Variants in PDSS2 observed in about 807,000 individuals in gnomAD.
PDSS2 encodes all trans-polyprenyl-diphosphate synthase PDSS2.
In PDSS2, 31 loss-of-function variants were observed where a neutral mutation model predicts 44.5. The ratio of observed to expected loss-of-function variants is 0.70; its 90% CI spans 0.52 to 0.94. The LOEUF (loss-of-function observed/expected upper bound fraction) is 0.94, where lower values mean the gene tolerates loss of function less well. Ranked by LOEUF, PDSS2 falls within the 40% of genes least tolerant of loss-of-function variation. The probability of loss-of-function intolerance (pLI) is 0.00; values close to 1 mark genes in which losing one functional copy is unlikely to be tolerated. For missense variants in PDSS2, 452 were observed against 482.2 expected (o/e 0.94, Z 0.59); for synonymous variants, 157 against 180.3 (o/e 0.87, Z 1.03).
At chr6:107,217,255 C>T (rs1304844004) in intron 4 of PDSS2, among the ~76,000 whole-genome samples, 4 of 152,144 alleles carry the variant, frequency 2.6e-5, no homozygotes, top group African/African-American at 9.7e-5. Flanking sequence ...TGTTACCTTA[C>T]AAGGCAAAAG....
chr6:107,197,124 TC>T (rs1772589831), intron 6 of PDSS2, among the ~76,000 whole-genome samples: 1 of 152,128 alleles, frequency 6.6e-6, no homozygotes, highest in Non-Finnish European at 1.5e-5. Context: ...AGTAAGTGTT[TC>T]CCTGAGTTCT....
intron 3 of PDSS2, among the ~76,000 whole-genome samples, chr6:107,246,500 C>T (rs974240154): frequency 6.6e-6 from 1 of 152,084 alleles, no homozygotes; most frequent in South Asian, 2.1e-4. Context: ...ATCAGATTTC[C>T]ACTCTTTGCT....
intron 7 of PDSS2, among the ~76,000 whole-genome samples, chr6:107,175,350 G>C (rs1771752739): frequency 6.6e-6 from 1 of 152,166 alleles, no homozygotes; most frequent in Non-Finnish European, 1.5e-5. Context: ...ATTTAGGTAA[G>C]AGCAAGTTGT....
intron 1 of PDSS2, among the ~76,000 whole-genome samples, chr6:107,362,213 C>T (rs1185576655): frequency 6.6e-6 from 1 of 152,102 alleles, no homozygotes; most frequent in Non-Finnish European, 1.5e-5. Context: ...CCCATATATC[C>T]CTGGCTGATG....
intron 1 of PDSS2, among the ~76,000 whole-genome samples, chr6:107,427,783 A>G (rs1781052486): frequency 6.6e-6 from 1 of 152,182 alleles, no homozygotes. Context: ...TGTAATGCAT[A>G]TGAGTATTTA....
In PDSS2 at chr6:107,335,907, C is replaced by A. The variant is rs552693016; in HGVS notation, c.297-1575G>T. Among the ~76,000 whole-genome samples, 54 of 150,008 alleles carry A rather than the reference C, an allele frequency of 3.6e-4. No individual in the cohort carries two copies. The South Asian group carries it at 5.7e-3, about 16-fold the overall frequency. The stretch of plus-strand genomic sequence containing the variant: ...AAGGCTTCCTTGTTGAGTTTTTGAA[C>A]AAAGAATCAATTTAAGTTAATTAAG... On this transcript the variant is annotated intron_variant, in intron 1 of 7. Coordinates refer to ENST00000369037, the MANE Select transcript of PDSS2 (RefSeq NM_020381.4).
At chr6:107,394,773 ATGT>A (rs1779889036) in intron 1 of PDSS2, among the ~76,000 whole-genome samples, 1 of 152,094 alleles carries the variant, frequency 6.6e-6, no homozygotes, top group African/African-American at 2.4e-5. Context: ...ACTACCTCAT[ATGT>A]TATATGTCCC....
chr6:107,171,169 G>A (rs546420613), intron 7 of PDSS2, among the ~76,000 whole-genome samples: 18 of 152,018 alleles, frequency 1.2e-4, no homozygotes, highest in African/African-American at 2.4e-4. Flanking sequence ...TTTTAAATAC[G>A]CCTTTATTTT....
In PDSS2 at chr6:107,160,205, G is replaced by A. The variant is rs188207460; in HGVS notation, c.1042-5428C>T. Among the ~76,000 whole-genome samples the A allele has an allele frequency of 1.6e-3, 245 of 152,174 alleles. 1 individual carries two copies. The highest frequency in any genetic ancestry group is 3.9e-3 in the Admixed American group (59 of 15,264). ...CAATCCAGCCTGGGGGCTGCAGTGC[G>A]ACTCTGTCTCAAAAAACAAACAAAA... is the stretch of plus-strand genomic sequence containing the variant. On this transcript the variant is annotated intron_variant, in intron 7 of 7. Transcript: ENST00000369037.
intron 2 of PDSS2, among the ~76,000 whole-genome samples, chr6:107,331,589 A>C (rs1777712947): frequency 6.6e-6 from 1 of 152,222 alleles, no homozygotes; most frequent in Non-Finnish European, 1.5e-5. Flanking sequence ...ACAAGGTTAC[A>C]TCACAGTGCA....
At chr6:107,269,934 T>TTATA (rs1775541237) in intron 3 of PDSS2, among the ~76,000 whole-genome samples, 1 of 152,166 alleles carries the variant, frequency 6.6e-6, no homozygotes, top group South Asian at 2.1e-4. Context: ...CCCAAAGTGC[T>TTATA]GGAAATACAG....
rs115081848 is a variant in PDSS2 at position 107,448,869 on chromosome 6, G to C, written c.296+10121C>G. On this transcript the variant is annotated intron_variant, in intron 1 of 7. Coordinates refer to ENST00000369037, the MANE Select transcript of PDSS2 (RefSeq NM_020381.4). ...CAGGGCACCAGGAGAGAGAATGAGT[G>C]CCAGCAGGGGAAATGTGAGATGCTT... 7.5e-3 allele frequency among the ~76,000 whole-genome samples: 1,143 copies of C among 152,334 alleles called. 16 individuals are homozygous for C. Among genetic ancestry groups the C allele is most frequent in the African/African-American group, 0.026 (1,076 of 41,580 alleles).
chr6:107,205,625 AG>A (rs1772946760), intron 6 of PDSS2, among the ~76,000 whole-genome samples: 1 of 152,204 alleles, frequency 6.6e-6, no homozygotes, highest in African/African-American at 2.4e-5. Flanking sequence ...TTTAGTATGG[AG>A]AAAATGCTCA....
At chr6:107,244,823 A>G (rs1774554572) in intron 4 of PDSS2, among the ~76,000 whole-genome samples, 1 of 152,230 alleles carries the variant, frequency 6.6e-6, no homozygotes, top group African/African-American at 2.4e-5. Context: ...CAGAAGCTAA[A>G]GAAGTTAGAA....
At position 107,361,134 on chromosome 6, in the gene PDSS2, GTCTCATATTTTAAAGACTGT is replaced by G. The variant is rs1778760787; in HGVS notation, c.297-26822_297-26803del. 2.0e-5 allele frequency among the ~76,000 whole-genome samples: 3 copies of G among 152,110 alleles called. No homozygotes were observed. In the South Asian group the frequency reaches 6.2e-4, roughly 32 times the overall value. On this transcript the variant is annotated intron_variant, in intron 1 of 7. Transcript: ENST00000369037. ...AAAATTAGAATTTTAACAAAATGGT[GTCTCATATTTTAAAGACTGT>G]TCTCATTTTTAAAAAGTAAACATAC...
intron 2 of PDSS2, among the ~76,000 whole-genome samples, chr6:107,286,310 C>A (rs1362395500): frequency 1.3e-5 from 2 of 151,364 alleles, no homozygotes; most frequent in Non-Finnish European, 2.9e-5. Context: ...GAGTTTGAGA[C>A]CAGCCTGGCC....
At chr6:107,333,131 C>A (rs948835141) in intron 2 of PDSS2, among the ~76,000 whole-genome samples, 2 of 152,100 alleles carry the variant, frequency 1.3e-5, no homozygotes, top group African/African-American at 2.4e-5. Flanking sequence ...TCAACAAGGT[C>A]AATTAGCCAT....
At chr6:107,158,896 T>G (rs1260195243) in intron 7 of PDSS2, among the ~76,000 whole-genome samples, 1 of 151,858 alleles carries the variant, frequency 6.6e-6, no homozygotes, top group Non-Finnish European at 1.5e-5. Flanking sequence ...ACCCAGTCAA[T>G]TTTTATATTT....
At chr6:107,378,019 TA>T (rs1313879019) in intron 1 of PDSS2, among the ~76,000 whole-genome samples, 1 of 150,382 alleles carries the variant, frequency 6.6e-6, no homozygotes, top group Non-Finnish European at 1.5e-5. Flanking sequence ...ACATGTACCC[TA>T]AAACTTAAAG....
Sources: allele counts gnomAD v4.1 joint callset (sites outside exome capture counted in the v4.1 genomes callset), GRCh38; gene constraint gnomAD v4.1.1; transcripts MANE v1.5; gene names NCBI Gene and HGNC (gene_info 2026-07-23, HGNC 2026-07-21).